The following DDHD2 variants were observed in gnomAD, a reference collection of about 807,000 sequenced individuals.
DDHD2 encodes the protein triacylglycerol hydrolase DDHD2.
DDHD2 carries 62 observed loss-of-function variants against 91.2 expected under a neutral mutation model. The observed-to-expected ratio is 0.68, with a 90% confidence interval of 0.55 to 0.84. The LOEUF (loss-of-function observed/expected upper bound fraction) is 0.84. Among genes scored for constraint, DDHD2 ranks in the 40% least tolerant of loss-of-function variants. The pLI is 0.00. For missense variants in DDHD2, 740 were observed against 846.9 expected (o/e 0.87, Z 1.57); for synonymous variants, 271 against 293.9 (o/e 0.92, Z 0.80).
downstream of DDHD2, chr8:38,264,795 T>G (rs569298316): frequency 2.0e-6 from 3 of 1,516,970 alleles, no homozygotes; most frequent in African/African-American, 2.8e-5. Context: ...ATTATCATTG[T>G]CAGGTTGCTT....
chr8:38,239,364 ACT>A (rs932353762), intron 5 of DDHD2, among the ~76,000 whole-genome samples: 5 of 137,626 alleles, frequency 3.6e-5, no homozygotes, highest in Non-Finnish European at 6.2e-5. Context: ...ACAGAGTGAG[ACT>A]CTGTCTCAAA....
intron 3 of DDHD2, among the ~76,000 whole-genome samples, chr8:38,236,377 C>T (rs1297066052): frequency 3.4e-5 from 5 of 147,510 alleles, no homozygotes; most frequent in African/African-American, 1.3e-4. Flanking sequence ...GTTTTTGAGA[C>T]AGAGTCTCAC....
chr8:38,264,700 T>C, downstream of DDHD2: 1 of 1,437,614 alleles, frequency 7.0e-7, no homozygotes, highest in Non-Finnish European at 9.2e-7. Flanking sequence ...CAGGATACTC[T>C]ACTGTGGGGC....
At chr8:38,268,281 G>A in intron 1 of DDHD2, 1 of 1,216,332 alleles carries the variant, frequency 8.2e-7, no homozygotes, top group Non-Finnish European at 1.2e-6. Flanking sequence ...GAACTCAGTG[G>A]CCTCCACACA....
downstream of DDHD2, chr8:38,267,408 T>C (rs1237569011): frequency 6.8e-6 from 11 of 1,610,650 alleles, no homozygotes; most frequent in Non-Finnish European, 9.3e-6. Context: ...GAAAGCAGCA[T>C]GGTTGGAACG....
chr8:38,247,702 T>A lies in DDHD2; in HGVS notation c.1126-11T>A. 6.8e-7 allele frequency: 1 copy of A among 1,475,302 alleles called. No individual in the cohort carries two copies. The highest frequency in any genetic ancestry group is 9.1e-7 in the Non-Finnish European group (1 of 1,100,760). The allele number at this position is 1,475,302 out of a possible 1,614,324, so 91.4% of individuals were successfully genotyped here. ...ATTTCAAGAATATGAGCTTTATAAT[T>A]TAATTTTTAGGATTCGCTAAATATT... On this transcript the variant is annotated splice_polypyrimidine_tract_variant and intron_variant, in intron 9 of 17. Transcript: ENST00000397166.
chr8:38,249,253 C>T (rs760704441), intron 10 of DDHD2, among the ~76,000 whole-genome samples: 36 of 152,000 alleles, frequency 2.4e-4, no homozygotes, highest in Non-Finnish European at 4.7e-4. Flanking sequence ...GCTGGGAATA[C>T]AGGTGACTGC....
chr8:38,267,087 G>A (rs1483280420), downstream of DDHD2: 4 of 1,455,900 alleles, frequency 2.7e-6, no homozygotes, highest in Non-Finnish European at 3.6e-6. Flanking sequence ...TTTCTGTTCT[G>A]TAATATTTAC....
intron 16 of DDHD2, among the ~76,000 whole-genome samples, chr8:38,258,255 CTT>C (rs111961835): frequency 1.1e-4 from 15 of 142,298 alleles, no homozygotes; most frequent in Admixed American, 2.1e-4. Context: ...TAATTAAATT[CTT>C]TTTTTTTTTT....
intron 16 of DDHD2, among the ~76,000 whole-genome samples, chr8:38,259,290 G>A (rs542786628): frequency 2.0e-5 from 3 of 150,834 alleles, no homozygotes; most frequent in Non-Finnish European, 2.9e-5. Context: ...TGCAACCTTC[G>A]GCTCACTGCA....
At chr8:38,257,497 C>T (rs1014755554) in intron 16 of DDHD2, among the ~76,000 whole-genome samples, 1 of 150,470 alleles carries the variant, frequency 6.6e-6, no homozygotes, top group African/African-American at 2.4e-5. Context: ...GATCCACCTG[C>T]CCCTGCCTCC....
downstream of DDHD2, chr8:38,264,129 G>A (rs1215694129): frequency 7.9e-6 from 8 of 1,013,360 alleles, no homozygotes; most frequent in Non-Finnish European, 9.4e-6. Flanking sequence ...TAGTTCACCT[G>A]TTCTCTATTG....
rs1339488882 is a variant in DDHD2 at position 38,253,549 on chromosome 8, T to C, written c.1892-7T>C. 5 of 1,609,572 alleles carry C rather than the reference T, an allele frequency of 3.1e-6. No homozygotes were observed. The highest frequency in any genetic ancestry group is 2.5e-6 in the Non-Finnish European group (3 of 1,178,814). On this transcript the variant is annotated splice_polypyrimidine_tract_variant and splice_region_variant and intron_variant, in intron 15 of 17. Transcript: ENST00000397166. Reference sequence around the variant, plus strand: ...TTAGATTCTTATTATGGTTCTTCCATATCCAGATGTTAACACAGAAGAGAC... The same window carrying C: ...TTAGATTCTTATTATGGTTCTTCCACATCCAGATGTTAACACAGAAGAGAC...
chr8:38,248,303 C>A (rs1249253835), intron 10 of DDHD2, among the ~76,000 whole-genome samples: 1 of 151,630 alleles, frequency 6.6e-6, no homozygotes, highest in Non-Finnish European at 1.5e-5. Context: ...CCCCGTGATC[C>A]ACCCACCTTG....
rs775248902 is a variant in DDHD2 at position 38,252,725 on chromosome 8, G to A, written c.1621G>A (p.Asp541Asn). ...KGFFNIYHPF[D>N]PVAYRIEPMV... ...AGCTCTTGTTTTTCCTATGTAGTTT[G>A]ATCCTGTGGCCTATAGGATTGAACC... Residue 541 changes from aspartate (D) to asparagine (N), a missense_variant, in exon 14 of 18, where the codon GAT (aspartate) becomes AAT (asparagine). Asp to Asn is a conservative substitution (Grantham distance 23, BLOSUM62 1). Around this residue, in one of 2 missense-constraint regions of DDHD2, gnomAD observed 693 missense variants for 764.2 expected, o/e 0.91. Transcript: ENST00000397166. The A allele has an allele frequency of 6.2e-6, 10 of 1,610,088 alleles. No homozygotes were observed. The highest frequency in any genetic ancestry group is 2.7e-5 in the African/African-American group (2 of 74,694).
In DDHD2 at chr8:38,235,734, A is replaced by C. The variant is rs558721227; in HGVS notation, c.411+1150A>C. On this transcript the variant is annotated intron_variant, in intron 3 of 17. Transcript: ENST00000397166. ...AACTCCATCTCAAAAAAAAAAAAAA[A>C]AACTGGTGGGCACAGTGGCTCTCAC... Among the ~76,000 whole-genome samples, 16 of 151,650 alleles carry C rather than the reference A, an allele frequency of 1.1e-4. No individual in the cohort carries two copies. The East Asian group carries it at 2.3e-3, about 22-fold the overall frequency.
intron 16 of DDHD2, 47 bp from the exon 17 acceptor site, chr8:38,259,993 G>A: frequency 1.7e-6 from 2 of 1,195,246 alleles, no homozygotes; most frequent in Non-Finnish European, 2.5e-6. Context: ...AAAACATTTG[G>A]CACAAGTGTT....
chr8:38,237,723 A>ATT, intron 4 of DDHD2, 96 bp downstream of exon 4: 1 of 644,762 alleles, frequency 1.6e-6, no homozygotes, highest in Non-Finnish European at 2.5e-6. Flanking sequence ...TGTGTAGGAT[A>ATT]ACCTTTGTCA....
intron 16 of DDHD2, among the ~76,000 whole-genome samples, chr8:38,256,994 GCTCACTGC>G (rs144600822): frequency 0.061 from 9,286 of 151,898 alleles, 361 homozygotes; most frequent in Middle Eastern, 0.2. Flanking sequence ...TGCGATTATA[GCTCACTGC>G]AGCCTTGACC....
Sources: gnomAD v4.1 joint callset for allele counts (sites outside exome capture counted in the v4.1 genomes callset) on GRCh38, gnomAD v4.1.1 for gene constraint, gnomAD v4.1.1 regional missense constraint, MANE v1.5 for transcripts, NCBI Gene and HGNC (gene_info 2026-07-23, HGNC 2026-07-21) for gene names.